NUMB: variants seen among roughly 807,000 people sequenced by gnomAD.
NUMB encodes the protein protein numb homolog.
In NUMB, 29 loss-of-function variants were observed where a neutral mutation model predicts 59.7. The observed-to-expected ratio is 0.49, with a 90% CI of 0.36 to 0.66. The LOEUF (loss-of-function observed/expected upper bound fraction) is 0.66. Among genes scored for constraint, NUMB ranks in the 30% least tolerant of loss-of-function variants. NUMB has a pLI of 0.00. For synonymous variants in NUMB, 288 were observed against 288.2 expected, an observed-to-expected ratio of 1.00 and a Z score of 0.01; for missense variants, 723 against 822.0, an observed-to-expected ratio of 0.88 and a Z score of 1.47.
chr14:73,332,378 C>T (rs1156960945), intron 4 of NUMB, among the ~76,000 whole-genome samples: 1 of 152,034 alleles, frequency 6.6e-6, no homozygotes, highest in East Asian at 1.9e-4. Context: ...CTCAGCCTCC[C>T]GAGAAGCTGG....
intron 2 of NUMB, among the ~76,000 whole-genome samples, chr14:73,384,455 T>TA (rs1414115617): frequency 1.3e-5 from 2 of 151,948 alleles, no homozygotes; most frequent in Non-Finnish European, 2.9e-5. Context: ...GACTTACACT[T>TA]AAAAGAAAAG....
intron 1 of NUMB, among the ~76,000 whole-genome samples, chr14:73,418,420 T>C (rs1425425030): frequency 3.3e-5 from 5 of 152,150 alleles, no homozygotes; most frequent in Admixed American, 2.6e-4. Context: ...GTGGTGATGG[T>C]TGCACAATAA....
chr14:73,302,328 T>C (rs969326929), intron 6 of NUMB, among the ~76,000 whole-genome samples: 3 of 152,018 alleles, frequency 2.0e-5, no homozygotes, highest in African/African-American at 7.2e-5. Context: ...GAAATATTAA[T>C]GATTAGAGAT....
intron 4 of NUMB, among the ~76,000 whole-genome samples, chr14:73,354,640 A>G (rs1893672944): frequency 1.3e-5 from 2 of 151,796 alleles, no homozygotes; most frequent in Admixed American, 1.3e-4. Context: ...AGCCTGGCCA[A>G]CATGGTGAAA....
chr14:73,389,702 C>T (rs974369999), intron 2 of NUMB, among the ~76,000 whole-genome samples: 1 of 152,156 alleles, frequency 6.6e-6, no homozygotes, highest in Non-Finnish European at 1.5e-5. Context: ...ATACTATTCT[C>T]ATGTTCAAAG....
At chr14:73,307,923 C>T (rs1362020798) in intron 6 of NUMB, among the ~76,000 whole-genome samples, 5 of 151,838 alleles carry the variant, frequency 3.3e-5, no homozygotes, top group African/African-American at 1.2e-4. Flanking sequence ...TTAGTAGAGA[C>T]GGGGTTTCAC....
At chr14:73,382,180 C>G (rs868803182) in intron 2 of NUMB, among the ~76,000 whole-genome samples, 78 of 152,262 alleles carry the variant, frequency 5.1e-4, no homozygotes, top group African/African-American at 1.8e-3. Context: ...GAGTTTTGCT[C>G]TTGTTGCCCA....
chr14:73,323,189 CTACATGGCCAAGG>C lies in NUMB; in HGVS notation c.129_141del (p.Tyr43Ter). 6.2e-7 allele frequency: 1 copy of C among 1,613,022 alleles called. No individual in the cohort carries two copies. Among genetic ancestry groups the C allele is most frequent in the Non-Finnish European group, 8.5e-7 (1 of 1,179,080 alleles). On this transcript the variant is annotated frameshift_variant and splice_region_variant, in exon 5 of 13. Coordinates refer to ENST00000555238, the MANE Select transcript of NUMB (RefSeq NM_001005743.2). LOFTEE classifies it high-confidence loss of function. ...TGCATTCCTCTTGATTCATCAACTT[CTACATGGCCAAGG>C]TACTGTAGAAAGAAGGAAAAGTTAG...
At chr14:73,356,767 A>C (rs1270161232) in intron 3 of NUMB, among the ~76,000 whole-genome samples, 2 of 152,158 alleles carry the variant, frequency 1.3e-5, no homozygotes, top group Non-Finnish European at 1.5e-5. Context: ...ATCACAGCTC[A>C]TTGCAACCTT....
chr14:73,454,635 ATG>A (rs1191584262), intron 1 of NUMB, among the ~76,000 whole-genome samples: 1 of 152,206 alleles, frequency 6.6e-6, no homozygotes, highest in Non-Finnish European at 1.5e-5. Flanking sequence ...AAACTTCAGT[ATG>A]TGAAACTGAG....
At chr14:73,457,411 T>G (rs535150459) in intron 1 of NUMB, among the ~76,000 whole-genome samples, 1 of 152,222 alleles carries the variant, frequency 6.6e-6, no homozygotes, top group Non-Finnish European at 1.5e-5. Context: ...TTCTTCTATT[T>G]GTGAAGACCT....
chr14:73,374,975 A>T (rs1894880302), intron 2 of NUMB, among the ~76,000 whole-genome samples: 2 of 151,660 alleles, frequency 1.3e-5, no homozygotes, highest in African/African-American at 4.8e-5. Flanking sequence ...CCCGCTTCGG[A>T]CACCCAAAGT....
At chr14:73,372,343 T>TTATATATATATA (rs60502086) in intron 2 of NUMB, among the ~76,000 whole-genome samples, 6 of 100,776 alleles carry the variant, frequency 6.0e-5, no homozygotes, top group African/African-American at 2.3e-4. Flanking sequence ...ATATAACCTT[T>TTATATATATATA]TATATATATA....
At chr14:73,282,746 CT>C (rs1464461000) in intron 10 of NUMB, among the ~76,000 whole-genome samples, 1 of 152,160 alleles carries the variant, frequency 6.6e-6, no homozygotes, top group Non-Finnish European at 1.5e-5. Flanking sequence ...ATCTTCCTCC[CT>C]TACAAATCCC....
intron 4 of NUMB, among the ~76,000 whole-genome samples, chr14:73,346,474 C>CT (rs1317372372): frequency 1.4e-5 from 2 of 141,512 alleles, no homozygotes; most frequent in Non-Finnish European, 3.0e-5. Flanking sequence ...GAGTGAAACT[C>CT]TGTCTCAAAA....
intron 2 of NUMB, among the ~76,000 whole-genome samples, chr14:73,386,299 T>G (rs897057399): frequency 6.6e-6 from 1 of 152,194 alleles, no homozygotes; most frequent in African/African-American, 2.4e-5. Context: ...GCAACAGATA[T>G]ATAGCTTTTA....
chr14:73,354,768 C>T (rs1893684078), intron 4 of NUMB, among the ~76,000 whole-genome samples: 1 of 131,518 alleles, frequency 7.6e-6, no homozygotes, highest in Non-Finnish European at 1.5e-5. Context: ...GTGGAGATTG[C>T]AGTGAGTTGA....
At chr14:73,278,495 G>A (rs952953960) in intron 12 of NUMB, among the ~76,000 whole-genome samples, 20 of 151,300 alleles carry the variant, frequency 1.3e-4, no homozygotes, top group African/African-American at 4.6e-4. Context: ...ATTCCAGCCT[G>A]GGTGACAGAA....
chr14:73,346,686 T>C (rs1358659602), intron 4 of NUMB, among the ~76,000 whole-genome samples: 5 of 152,108 alleles, frequency 3.3e-5, no homozygotes, highest in Non-Finnish European at 7.4e-5. Context: ...CTCTCTCCTA[T>C]TCTCTAGCTA....
Sources: gnomAD v4.1 joint callset for allele counts (sites outside exome capture counted in the v4.1 genomes callset) on GRCh38, gnomAD v4.1.1 for gene constraint, MANE v1.5 for transcripts, NCBI Gene and HGNC (gene_info 2026-07-23, HGNC 2026-07-21) for gene names.